IFT81: variants seen among roughly 807,000 people sequenced by gnomAD.
The protein encoded by IFT81 is intraflagellar transport 81.
In IFT81, 72 loss-of-function variants were observed where a neutral mutation model predicts 102.6. The ratio of observed to expected loss-of-function variants is 0.70; its 90% CI spans 0.58 to 0.85. IFT81 has a LOEUF of 0.85. Ranked by LOEUF, IFT81 falls within the 40% of genes least tolerant of loss-of-function variation. The probability of loss-of-function intolerance (pLI) is 0.00; values close to 1 mark genes in which losing one functional copy is unlikely to be tolerated. For missense variants in IFT81, 723 were observed against 787.3 expected, an observed-to-expected ratio of 0.92 and a Z score of 0.98; for synonymous variants, 237 against 242.7, an observed-to-expected ratio of 0.98 and a Z score of 0.22.
intron 10 of IFT81, among the ~76,000 whole-genome samples, chr12:110,156,830 T>A (rs1006555351): frequency 4.6e-5 from 7 of 152,156 alleles, no homozygotes; most frequent in African/African-American, 1.4e-4. Context: ...TTTTGCCAGA[T>A]ATATGATTCT....
chr12:110,200,254 T>TA (rs1334660711), intron 14 of IFT81, among the ~76,000 whole-genome samples: 1 of 152,180 alleles, frequency 6.6e-6, no homozygotes, highest in East Asian at 1.9e-4. Context: ...AGAGTGTACT[T>TA]ACACAAACCT....
chr12:110,188,206 C>A (rs577252337), intron 12 of IFT81, among the ~76,000 whole-genome samples: 4 of 151,828 alleles, frequency 2.6e-5, no homozygotes, highest in Non-Finnish European at 4.4e-5. Flanking sequence ...GTGGTGGGTG[C>A]CGGGAATCCC....
rs1893722756 is a variant in IFT81 at position 110,124,677 on chromosome 12, G to A, written c.-206G>A. 1 of 152,400 alleles carries A rather than the reference G, an allele frequency of 6.6e-6. No individual in the cohort carries two copies. The highest frequency in any genetic ancestry group is 2.4e-5 in the African/African-American group (1 of 41,466). The allele number at this position is 152,400 out of a possible 1,614,324, so 9.4% of individuals were successfully genotyped here. On this transcript the variant is annotated 5_prime_UTR_variant, in exon 1 of 19. Transcript: ENST00000242591. The stretch of plus-strand genomic sequence containing the variant: ...CCCCGCTAGAGGCCCGGTCGGGTGT[G>A]GGGTCCCCTGTCCCCTGTCCCGAGC...
In IFT81 at chr12:110,218,708, T is replaced by G. The variant is rs71458329; in HGVS notation, c.*482T>G. 679 of 152,446 alleles carry G rather than the reference T, an allele frequency of 4.5e-3. 10 individuals carry two copies. Among genetic ancestry groups the G allele is most frequent in the South Asian group, 0.028 (134 of 4,830 alleles). 9.4% of individuals were successfully genotyped at this position (152,446 alleles called of 1,614,324 possible). A position where few individuals can be genotyped will look rare whatever the true frequency, so the allele number is the denominator to read the frequency against. Reference sequence around the variant, plus strand: ...TTCTTCTGTAAAATGCAAGAAAATTTAATATTTTGACTAACATGTCTTTTC... The same window carrying G: ...TTCTTCTGTAAAATGCAAGAAAATTGAATATTTTGACTAACATGTCTTTTC... On this transcript the variant is annotated 3_prime_UTR_variant, in exon 19 of 19. Transcript: ENST00000242591.
intron 10 of IFT81, among the ~76,000 whole-genome samples, chr12:110,161,339 G>C (rs568874533): frequency 6.6e-6 from 1 of 151,580 alleles, no homozygotes; most frequent in African/African-American, 2.4e-5. Context: ...GTAGAAACAG[G>C]GTTTTACCAT....
In IFT81 at chr12:110,179,773, TACACACAC is replaced by T. The variant is rs34207126; in HGVS notation, c.1189-623_1189-616del. On this transcript the variant is annotated intron_variant, in intron 11 of 18. Transcript: ENST00000242591. ...ATATATATATATATATATATATATA[TACACACAC>T]ACACACACACACACACACACACACA... 1.3e-3 allele frequency among the ~76,000 whole-genome samples: 68 copies of T among 50,472 alleles called. 2 individuals are homozygous for T. The highest frequency in any genetic ancestry group is 2.5e-3 in the Admixed American group (7 of 2,850). 33.1% of individuals were successfully genotyped at this position (50,472 alleles called of 152,430 possible). A position where few individuals can be genotyped will look rare whatever the true frequency, so the allele number is the denominator to read the frequency against.
intron 10 of IFT81, among the ~76,000 whole-genome samples, chr12:110,159,863 G>A (rs1190499092): frequency 1.3e-5 from 2 of 152,208 alleles, no homozygotes; most frequent in Non-Finnish European, 2.9e-5. Flanking sequence ...ACCTGCTATT[G>A]TGCTAAGGGT....
At chr12:110,125,019 G>T (rs998508034) in intron 1 of IFT81, among the ~76,000 whole-genome samples, 158 bp downstream of exon 1, 7 of 152,144 alleles carry the variant, frequency 4.6e-5, no homozygotes, top group African/African-American at 1.7e-4. Flanking sequence ...GCTGGTGGGC[G>T]ACTTGGGGGG....
intron 10 of IFT81, among the ~76,000 whole-genome samples, chr12:110,155,459 T>TGA: frequency 6.7e-6 from 1 of 150,138 alleles, no homozygotes; most frequent in African/African-American, 2.5e-5. Flanking sequence ...TACAGGTACT[T>TGA]GCCACCATGC....
chr12:110,143,268 T>C (rs1012731633), intron 8 of IFT81, 114 bp from the exon 9 acceptor site: 5 of 542,754 alleles, frequency 9.2e-6, no homozygotes. Context: ...CTATATATTA[T>C]ACAGTTTGTT....
intron 14 of IFT81, among the ~76,000 whole-genome samples, chr12:110,200,701 A>G (rs937749715): frequency 6.6e-6 from 1 of 152,104 alleles, no homozygotes; most frequent in Non-Finnish European, 1.5e-5. Flanking sequence ...TGTAATCCCA[A>G]CACTTTGGGA....
rs750261214 is a variant in IFT81, at chr12:110,147,040, A to G, written c.1033A>G (p.Arg345Gly). The G allele has an allele frequency of 1.2e-6, 2 of 1,605,292 alleles. No homozygotes were observed. Among genetic ancestry groups the G allele is most frequent in the Middle Eastern group, 1.7e-4 (1 of 6,002 alleles). Residue 345 changes from arginine (R) to glycine (G), a missense_variant, in exon 10 of 19, where the codon AGG (arginine) becomes GGG (glycine). By Grantham distance (125) the Arg-to-Gly change is moderately radical. Transcript: ENST00000242591. Reference sequence around the variant, plus strand: ...CATTGAAGGCAAACTCTCACTGTATAGGCAACAGGTAAGAACATTCTTTTG... The same window carrying G: ...CATTGAAGGCAAACTCTCACTGTATGGGCAACAGGTAAGAACATTCTTTTG... ...EPIEGKLSLY[R>G]QQASIISRKK...
chr12:110,197,123 A>G (rs947113784), intron 14 of IFT81, among the ~76,000 whole-genome samples: 13 of 152,094 alleles, frequency 8.5e-5, no homozygotes, highest in Admixed American at 3.9e-4. Flanking sequence ...GCTGGAGCCC[A>G]GGAGTTCGAG....
intron 14 of IFT81, among the ~76,000 whole-genome samples, chr12:110,198,913 C>T (rs1347911455): frequency 6.6e-6 from 1 of 151,652 alleles, no homozygotes; most frequent in Non-Finnish European, 1.5e-5. Flanking sequence ...GGGTTCAAGC[C>T]ATTCTTCTGC....
At chr12:110,166,164 A>G (rs1003016709) in intron 11 of IFT81, among the ~76,000 whole-genome samples, 4 of 152,246 alleles carry the variant, frequency 2.6e-5, no homozygotes, top group African/African-American at 9.6e-5. Flanking sequence ...CTAGGCACAT[A>G]GTAAATGCTG....
intron 14 of IFT81, 98 bp downstream of exon 14, chr12:110,192,804 G>A (rs2137551022): frequency 4.6e-6 from 3 of 648,580 alleles, no homozygotes; most frequent in East Asian, 2.9e-5. Context: ...ATTTTACTTG[G>A]GTAATATAGA....
At chr12:110,180,352 TTA>T in intron 11 of IFT81, 68 bp from the exon 12 acceptor site, 1 of 925,414 alleles carries the variant, frequency 1.1e-6, no homozygotes, top group Non-Finnish European at 1.6e-6. Flanking sequence ...TATATTGAGT[TTA>T]TACAGATGTA....
chr12:110,142,633 G>A (rs746229347), intron 8 of IFT81, among the ~76,000 whole-genome samples: 4 of 151,818 alleles, frequency 2.6e-5, no homozygotes, highest in Non-Finnish European at 4.4e-5. Flanking sequence ...GATCACACCT[G>A]TAATCCCAGC....
intron 12 of IFT81, among the ~76,000 whole-genome samples, chr12:110,182,554 T>G (rs1897348914): frequency 6.6e-6 from 1 of 152,210 alleles, no homozygotes; most frequent in Admixed American, 6.5e-5. Flanking sequence ...CAGTTAAAAC[T>G]GGGCATGGGA....
Sources: gnomAD v4.1 joint callset for allele counts (sites outside exome capture counted in the v4.1 genomes callset) on GRCh38, gnomAD v4.1.1 for gene constraint, MANE v1.5 for transcripts, NCBI Gene and HGNC (gene_info 2026-07-23, HGNC 2026-07-21) for gene names.